The following SYNE1 variants were observed in gnomAD, a reference collection of about 807,000 sequenced individuals.
The protein encoded by SYNE1 is spectrin repeat containing nuclear envelope protein 1, also known as nesprin-1.
In SYNE1, 616 loss-of-function variants were observed where a neutral mutation model predicts 1,111.0. That is an observed-to-expected ratio of 0.55 (90% confidence interval 0.52 to 0.59). SYNE1 has a LOEUF of 0.59. Among genes scored for constraint, SYNE1 ranks in the 20% least tolerant of loss-of-function variants. SYNE1 has a pLI of 0.00. For synonymous variants in SYNE1, 3,855 were observed against 3,825.8 expected (o/e 1.01, Z -0.28); for missense variants, 10,006 against 10,417.0 (o/e 0.96, Z 1.72).
intron 22 of SYNE1, among the ~76,000 whole-genome samples, chr6:152,457,159 GATAATA>G (rs370468057): frequency 6.6e-6 from 1 of 151,202 alleles, no homozygotes; most frequent in East Asian, 2.0e-4. Context: ...CTTCACTACA[GATAATA>G]ATAATAATAA....
intron 98 of SYNE1, among the ~76,000 whole-genome samples, chr6:152,277,179 C>T (rs1397778493): frequency 6.7e-6 from 1 of 149,770 alleles, no homozygotes. Context: ...TGTGAGCCAC[C>T]GCACCTGGCC....
intron 49 of SYNE1, among the ~76,000 whole-genome samples, chr6:152,397,566 G>A (rs1028909737): frequency 2.0e-5 from 3 of 152,108 alleles, no homozygotes; most frequent in African/African-American, 7.2e-5. Context: ...TTCTACATCT[G>A]AATTCTCCAC....
chr6:152,152,955 T>C (rs143129235), intron 133 of SYNE1, among the ~76,000 whole-genome samples: 111 of 152,328 alleles, frequency 7.3e-4, no homozygotes, highest in African/African-American at 2.5e-3. Flanking sequence ...AAGAGCCCTA[T>C]AGCATAAGAG....
chr6:152,412,040 A>T (rs1005294888), intron 42 of SYNE1, among the ~76,000 whole-genome samples: 6 of 152,222 alleles, frequency 3.9e-5, no homozygotes, highest in Non-Finnish European at 8.8e-5. Context: ...ATTTATAATC[A>T]TCCAAACTGG....
At chr6:152,373,837 A>C (rs2154098257) in intron 58 of SYNE1, among the ~76,000 whole-genome samples, 1 of 152,346 alleles carries the variant, frequency 6.6e-6, no homozygotes, top group South Asian at 2.1e-4. Context: ...ACTCGTTTAC[A>C]AAACAAATGC....
intron 48 of SYNE1, among the ~76,000 whole-genome samples, chr6:152,399,324 G>A (rs969885811): frequency 2.6e-5 from 4 of 152,206 alleles, no homozygotes; most frequent in African/African-American, 9.6e-5. Context: ...AGCAGTGGAA[G>A]TAATTTTCCA....
chr6:152,169,627 CAAA>C (rs58087660), intron 130 of SYNE1, among the ~76,000 whole-genome samples: 4 of 71,440 alleles, frequency 5.6e-5, no homozygotes, highest in African/African-American at 5.6e-5. Flanking sequence ...CACCTCATCT[CAAA>C]AAAAAAAAAA....
Position 152,462,784 on chromosome 6 carries a change from A to T in SYNE1, c.2204T>A (p.Leu735Ter). 1 of 1,614,040 alleles carries T rather than the reference A, an allele frequency of 6.2e-7. No homozygotes were observed. The highest frequency in any genetic ancestry group is 8.5e-7 in the Non-Finnish European group (1 of 1,179,930). Residue 735 changes from leucine (L) to a stop codon, truncating the protein, a stop_gained, in exon 20 of 146, where the codon TTA (leucine) becomes TAA (stop). Transcript: ENST00000367255. LOFTEE classifies it high-confidence loss of function. Reference sequence around the variant, plus strand: ...CTTGACATTCATAAAAGAGACTTCTAAGGGTTCAGAAAGTTTCTTATGGGC... The same window carrying T: ...CTTGACATTCATAAAAGAGACTTCTTAGGGTTCAGAAAGTTTCTTATGGGC... The part of the protein sequence containing the change: ...TEAHKKLSEP[L>*]EVSFMNVKLL...
chr6:152,189,374 C>A lies in SYNE1; in HGVS notation c.23179G>T (p.Asp7727Tyr). 1.2e-6 allele frequency: 2 copies of A among 1,614,114 alleles called. No individual in the cohort carries two copies. The highest frequency in any genetic ancestry group is 1.7e-6 in the Non-Finnish European group (2 of 1,179,994). The change falls in exon 128 of 146, where the codon GAC becomes TAC. Residue 7727 changes from aspartate to tyrosine, a missense_variant. Transcript: ENST00000367255. ...TTCAGCAGGCTCAACTGGGTCAAGTCATCTGTCCAGCTCCCAACTGCATTT... is the reference window on the plus strand; with the variant it reads ...TTCAGCAGGCTCAACTGGGTCAAGTAATCTGTCCAGCTCCCAACTGCATTT... ...LENAVGSWTDDLTQLSLLKDT... is the reference protein window; with the variant it reads ...LENAVGSWTDYLTQLSLLKDT...
intron 2 of SYNE1, among the ~76,000 whole-genome samples, chr6:152,633,492 T>A (rs1051524627): frequency 1.3e-5 from 2 of 152,202 alleles, no homozygotes; most frequent in Non-Finnish European, 2.9e-5. Flanking sequence ...GGAGGGCAAG[T>A]ATTGTAATGG....
At position 152,278,212 on chromosome 6, in the gene SYNE1, C is replaced by T. The variant is rs2093778561; in HGVS notation, c.18450G>A (p.Leu6150=). Reference sequence around the variant, plus strand: ...TGGTGTGAGCTTTGCCCTCCAGCAGCAGGTTCTCATTGTGGACTGACAGTT... The same window carrying T: ...TGGTGTGAGCTTTGCCCTCCAGCAGTAGGTTCTCATTGTGGACTGACAGTT... ...LSELSVHNEN[L]LLEGKAHTKD... The change falls in exon 98 of 146, where the codon CTG becomes CTA. Residue 6150 remains leucine (L), a synonymous_variant. Coordinates refer to ENST00000367255, the MANE Select transcript of SYNE1 (RefSeq NM_182961.4). 5 of 1,614,220 alleles carry T rather than the reference C, an allele frequency of 3.1e-6. No individual in the cohort carries two copies. The highest frequency in any genetic ancestry group is 4.2e-6 in the Non-Finnish European group (5 of 1,180,042).
intron 117 of SYNE1, among the ~76,000 whole-genome samples, chr6:152,223,341 G>T (rs2080647539): frequency 6.6e-6 from 1 of 152,120 alleles, no homozygotes; most frequent in African/African-American, 2.4e-5. Flanking sequence ...AAGAAAGTCG[G>T]CCGGGCATGG....
rs886044159 is a variant in SYNE1, at chr6:152,149,483, G to A, written c.24636C>T (p.Arg8212=). 2 of 1,614,150 alleles carry A rather than the reference G, an allele frequency of 1.2e-6. No individual in the cohort carries two copies. Among genetic ancestry groups the A allele is most frequent in the African/African-American group, 1.3e-5 (1 of 75,026 alleles). The change falls in exon 136 of 146, where the codon CGC becomes CGT. Residue 8212 remains arginine, a synonymous_variant. Coordinates refer to ENST00000367255, the MANE Select transcript of SYNE1 (RefSeq NM_182961.4). ...GAAAATCAATGTTACATACAGGCAGGCGGATCAGTTTCTTATGGTATCTTT... is the reference window on the plus strand; with the variant it reads ...GAAAATCAATGTTACATACAGGCAGACGGATCAGTTTCTTATGGTATCTTT... ...RVERYHKKLI[R]LPLPDDEHDL... is the part of the protein sequence containing the mutation.
intron 108 of SYNE1, among the ~76,000 whole-genome samples, chr6:152,238,726 AAC>A (rs1235612925): frequency 6.6e-6 from 1 of 152,072 alleles, no homozygotes; most frequent in African/African-American, 2.4e-5. Context: ...AGAAAGCAGG[AAC>A]AGTTTAGGGC....
chr6:152,132,162 C>T lies in SYNE1; in HGVS notation c.26054G>A (p.Ser8685Asn), dbSNP rs1209546576. The change falls in exon 144 of 146, where the codon AGT becomes AAT. Residue 8685 changes from serine to asparagine, a missense_variant. This residue lies in a region of SYNE1 where 761 missense variants were observed against 795.5 expected (regional missense o/e 0.96). Transcript: ENST00000367255. ...TGGGGTGCTCCTTCCTGATGTGGGA[C>T]TCACAGACCCTGAGGTGTCCAGTTC... is the stretch of plus-strand genomic sequence containing the variant. ...ADELDTSGSV[S>N]PTSGRSTPNR... 6.2e-7 allele frequency: 1 copy of T among 1,614,038 alleles called. No homozygotes were observed. Among genetic ancestry groups the T allele is most frequent in the African/African-American group, 1.3e-5 (1 of 74,908 alleles).
chr6:152,222,445 C>T (rs1199110063), intron 117 of SYNE1, among the ~76,000 whole-genome samples: 4 of 152,162 alleles, frequency 2.6e-5, no homozygotes, highest in African/African-American at 7.2e-5. Context: ...CACAAACTCC[C>T]GAAGATGAAG....
Position 152,520,494 on chromosome 6 carries a change from T to A in SYNE1, c.274A>T (p.Ile92Phe). The A allele has an allele frequency of 6.2e-7, 1 of 1,613,726 alleles. No homozygotes were observed. Among genetic ancestry groups the A allele is most frequent in the East Asian group, 2.2e-5 (1 of 44,862 alleles). Residue 92 changes from isoleucine to phenylalanine, a missense_variant, in exon 6 of 146, where the codon ATT (isoleucine) becomes TTT (phenylalanine). By Grantham distance (21) the Ile-to-Phe change is conservative. This residue lies in a region of SYNE1 where 1,971 missense variants were observed against 2,084.1 expected (regional missense o/e 0.95). Transcript: ENST00000367255. ...TCGAGGAACTTGAGTGCCGTGCCAA[T>A]GTTAGCCACAGCATGGATTCGCTTC... is the stretch of plus-strand genomic sequence containing the variant. The part of the protein sequence containing the change: ...RMKRIHAVAN[I>F]GTALKFLEGR...
Position 152,401,412 on chromosome 6 carries a change from T to G in SYNE1, c.6826-71A>C. 6.8e-6 allele frequency: 10 copies of G among 1,465,572 alleles called. 1 individual carries two copies. The South Asian group carries it at 1.1e-4, about 17-fold the overall frequency. The allele number at this position is 1,465,572 out of a possible 1,614,324, so 90.8% of individuals were successfully genotyped here. On this transcript the variant is annotated intron_variant, in intron 46 of 145. Transcript: ENST00000367255. Reference sequence around the variant, plus strand: ...AATACTCATTCAGTAGAAATTCTGTTCACGTGCAGCTTAATTGTCAAAGCC... The same window carrying G: ...AATACTCATTCAGTAGAAATTCTGTGCACGTGCAGCTTAATTGTCAAAGCC...
chr6:152,633,252 C>G (rs1421377724), intron 2 of SYNE1, among the ~76,000 whole-genome samples: 1 of 152,158 alleles, frequency 6.6e-6, no homozygotes, highest in Non-Finnish European at 1.5e-5. Context: ...AATAAATAGT[C>G]CCTGCACCAT....
Sources: allele counts gnomAD v4.1 joint callset (sites outside exome capture counted in the v4.1 genomes callset), GRCh38; gene constraint gnomAD v4.1.1; regional missense constraint gnomAD v4.1.1; transcripts MANE v1.5; gene names NCBI Gene and HGNC (gene_info 2026-07-23, HGNC 2026-07-21).